IL22: variants seen among roughly 807,000 people sequenced by gnomAD.
The protein encoded by IL22 is interleukin 22.
In IL22, 15 loss-of-function variants were observed where a neutral mutation model predicts 15.5. The ratio of observed to expected loss-of-function variants is 0.97; its 90% CI spans 0.65 to 1.49. The LOEUF is 1.49. IL22 is among the 40% of genes most tolerant of loss of function. The pLI, the probability that IL22 is intolerant of heterozygous loss-of-function variation, is 0.00. For synonymous variants in IL22, 91 were observed against 82.0 expected, an observed-to-expected ratio of 1.11 and a Z score of -0.60; for missense variants, 225 against 215.4, an observed-to-expected ratio of 1.04 and a Z score of -0.28.
chr12:68,250,614 G>A (rs1054545594), intron 5 of IL22, among the ~76,000 whole-genome samples: 1 of 152,126 alleles, frequency 6.6e-6, no homozygotes, highest in African/African-American at 2.4e-5. Flanking sequence ...CATTCCTCCG[G>A]TTTTGGGGTG....
rs1186018974 is a variant in IL22 at position 68,253,344 on chromosome 12, G to A, written c.105C>T (p.Pro35=). 6.2e-7 allele frequency: 1 copy of A among 1,613,724 alleles called. No individual in the cohort carries two copies. Among genetic ancestry groups the A allele is most frequent in the African/African-American group, 1.3e-5 (1 of 74,888 alleles). The change falls in exon 2 of 6, where the codon CCC becomes CCT. Residue 35 remains proline, a synonymous_variant. Coordinates refer to ENST00000538666, the MANE Select transcript of IL22 (RefSeq NM_020525.5). ...TGTCAAGCCTGCAGTGGGAGCTGAT[G>A]GGCGCAGCTGCTCCTCCCTGTACCA... ...ALLVQGGAAA[P]ISSHCRLDKS...
chr12:68,250,511 C>G (rs1402488886), intron 5 of IL22, among the ~76,000 whole-genome samples: 1 of 152,194 alleles, frequency 6.6e-6, no homozygotes, highest in Non-Finnish European at 1.5e-5. Flanking sequence ...TAAGGTTAAG[C>G]TTGTTACTGA....
intron 5 of IL22, among the ~76,000 whole-genome samples, chr12:68,250,712 C>G (rs1300879761): frequency 6.6e-6 from 1 of 152,052 alleles, no homozygotes; most frequent in East Asian, 1.9e-4. Context: ...GAAATGTACA[C>G]CAGCCCACCA....
intron 5 of IL22, among the ~76,000 whole-genome samples, chr12:68,249,616 C>T (rs1869858945): frequency 6.6e-6 from 1 of 152,162 alleles, no homozygotes; most frequent in Admixed American, 6.5e-5. Context: ...TAAGTCTTTT[C>T]CACTTGCTTT....
chr12:68,248,636 GT>G lies in IL22; in HGVS notation c.*162del. 1.7e-6 allele frequency: 1 copy of G among 600,958 alleles called. No homozygotes were observed. Among genetic ancestry groups the G allele is most frequent in the Non-Finnish European group, 2.9e-6 (1 of 339,262 alleles). 37.2% of individuals were successfully genotyped at this position (600,958 alleles called of 1,614,324 possible). ...GGTCTTATAAACAAAAGTGGCATTG[GT>G]TTCCTTTGTAACTAACGCAGGGGTT... On this transcript the variant is annotated 3_prime_UTR_variant, in exon 6 of 6. Transcript: ENST00000538666.
In IL22 at chr12:68,252,491, G is replaced by C. The variant is rs1869967059; in HGVS notation, c.396+13C>G. ...GGAGGGGTAGGTGGGCATAGGCTGAGAGCTGAACTTACACATGTGCTTAGC... is the reference window on the plus strand; with the variant it reads ...GGAGGGGTAGGTGGGCATAGGCTGACAGCTGAACTTACACATGTGCTTAGC... On this transcript the variant is annotated intron_variant, in intron 4 of 5. Coordinates refer to ENST00000538666, the MANE Select transcript of IL22 (RefSeq NM_020525.5). The C allele has an allele frequency of 6.2e-7, 1 of 1,613,368 alleles. No individual in the cohort carries two copies. Among genetic ancestry groups the C allele is most frequent in the Non-Finnish European group, 8.5e-7 (1 of 1,179,858 alleles).
chr12:68,251,687 A>C, intron 4 of IL22, 109 bp from the exon 5 acceptor site: 6 of 833,908 alleles, frequency 7.2e-6, no homozygotes, highest in Non-Finnish European at 1.2e-5. Context: ...GCTCTTAGTA[A>C]TTTTGCCCAC....
chr12:68,252,446 G>T, intron 4 of IL22, 58 bp downstream of exon 4: 2 of 1,576,142 alleles, frequency 1.3e-6, no homozygotes, highest in Admixed American at 1.7e-5. Context: ...GGGTAAGGGG[G>T]TCTCTGTGGA....
intron 2 of IL22, 87 bp downstream of exon 2, chr12:68,253,176 G>T (rs527496206): frequency 5.2e-6 from 6 of 1,161,568 alleles, no homozygotes; most frequent in Admixed American, 2.6e-5. Context: ...GGTTCCTAAA[G>T]CTCTTAGAGA....
chr12:68,252,785 C>T lies in IL22; in HGVS notation c.231G>A (p.Glu77=). 1.9e-6 allele frequency: 3 copies of T among 1,613,948 alleles called. No individual in the cohort carries two copies. Among genetic ancestry groups the T allele is most frequent in the South Asian group, 2.2e-5 (2 of 91,066 alleles). ...TTACACTGACTCCGTGGAACAGTTT[C>T]TCCCCAATGAGACGAACGTCTGTGT... ...DNNTDVRLIG[E]KLFHGVSMSE... Residue 77 remains glutamate (E), a synonymous_variant, in exon 3 of 6, where the codon GAG becomes GAA. Coordinates refer to ENST00000538666, the MANE Select transcript of IL22 (RefSeq NM_020525.5).
chr12:68,250,838 T>G (rs1012356), intron 5 of IL22, among the ~76,000 whole-genome samples: 1 of 151,966 alleles, frequency 6.6e-6, no homozygotes, highest in African/African-American at 2.4e-5. Flanking sequence ...CCATTTAACT[T>G]TAATAAATCT....
Position 68,248,601 on chromosome 12 carries a change from T to A in IL22, c.*198A>T, listed in dbSNP as rs1375215482. 1.9e-6 allele frequency: 1 copy of A among 519,738 alleles called. No individual in the cohort carries two copies. Among genetic ancestry groups the A allele is most frequent in the East Asian group, 3.0e-5 (1 of 33,124 alleles). The allele number at this position is 519,738 out of a possible 1,614,324, so 32.2% of individuals were successfully genotyped here. On this transcript the variant is annotated 3_prime_UTR_variant, in exon 6 of 6. Transcript: ENST00000538666. ...TCAATAAATATCTATGCTTAGAAAGTCTACCTTCTGGTCTTATAAACAAAA... is the reference window on the plus strand; with the variant it reads ...TCAATAAATATCTATGCTTAGAAAGACTACCTTCTGGTCTTATAAACAAAA...
At position 68,252,587 on chromosome 12, in the gene IL22, A is replaced by T; in HGVS notation, c.313T>A (p.Phe105Ile). The T allele has an allele frequency of 6.2e-7, 1 of 1,613,998 alleles. No individual in the cohort carries two copies. Among genetic ancestry groups the T allele is most frequent in the Non-Finnish European group, 8.5e-7 (1 of 1,179,864 alleles). Residue 105 changes from phenylalanine to isoleucine, a missense_variant, in exon 4 of 6, where the codon TTC (phenylalanine) becomes ATC (isoleucine). By Grantham distance (21) the Phe-to-Ile change is conservative. Transcript: ENST00000538666. ...VLNFTLEEVL[F>I]PQSDRFQPYM... ...GGCTGGAACCTATCAGATTGAGGGA[A>T]CAGCACTTCTTCAAGGGTGAAGTTC...
At chr12:68,252,691 C>G in intron 3 of IL22, 44 bp from the exon 4 acceptor site, 1 of 1,613,474 alleles carries the variant, frequency 6.2e-7, no homozygotes, top group South Asian at 1.1e-5. Context: ...GGGATAAGAC[C>G]TAAACCATCA....
chr12:68,251,556 T>C lies in IL22; in HGVS notation c.419A>G (p.His140Arg). 1 of 1,612,892 alleles carries C rather than the reference T, an allele frequency of 6.2e-7. No individual in the cohort carries two copies. The highest frequency in any genetic ancestry group is 8.5e-7 in the Non-Finnish European group (1 of 1,178,898). Reference protein sequence around the residue: ...STCHIEGDDLHIQRNVQKLKD... With the variant: ...STCHIEGDDLRIQRNVQKLKD... ...CAGCTTTTGCACATTCCTCTGGATA[T>C]GCAGGTCATCACCTTCAATATGCTA... The change falls in exon 5 of 6, where the codon CAT (histidine) becomes CGT (arginine). Residue 140 changes from histidine (H) to arginine (R), a missense_variant. Physicochemically the swap from His to Arg is conservative, Grantham distance 29. Transcript: ENST00000538666.
chr12:68,250,760 AG>A (rs1869900935), intron 5 of IL22, among the ~76,000 whole-genome samples: 1 of 152,178 alleles, frequency 6.6e-6, no homozygotes, highest in Admixed American at 6.5e-5. Context: ...GAGGGAGTGA[AG>A]GAAGAAACTA....
At position 68,253,275 on chromosome 12, in the gene IL22, C is replaced by T. The variant is rs1870004602; in HGVS notation, c.174G>A (p.Met58Ile). 2 of 1,613,050 alleles carry T rather than the reference C, an allele frequency of 1.2e-6. No homozygotes were observed. Among genetic ancestry groups the T allele is most frequent in the Non-Finnish European group, 1.7e-6 (2 of 1,179,436 alleles). The change falls in exon 2 of 6, where the codon ATG (methionine) becomes ATA (isoleucine). Residue 58 changes from methionine (M) to isoleucine (I), a missense_variant. Met to Ile is a conservative substitution (Grantham distance 10). Transcript: ENST00000538666. ...QQPYITNRTF[M>I]LAKEASLADN... ...TTGAGATGTATACCTCCTTAGCCAG[C>T]ATGAAGGTGCGGTTGGTGATATAGG...
At chr12:68,249,185 G>A (rs1327925919) in intron 5 of IL22, among the ~76,000 whole-genome samples, 2 of 152,138 alleles carry the variant, frequency 1.3e-5, no homozygotes, top group Non-Finnish European at 2.9e-5. Flanking sequence ...AAGTGAGGCT[G>A]GGATCTGGGG....
chr12:68,252,435 G>T, intron 4 of IL22, 69 bp downstream of exon 4: 1 of 1,509,142 alleles, frequency 6.6e-7, no homozygotes, highest in Non-Finnish European at 9.2e-7. Context: ...AGAGAGAGTT[G>T]GGGTAAGGGG....
Sources: allele counts gnomAD v4.1 joint callset (sites outside exome capture counted in the v4.1 genomes callset), GRCh38; gene constraint gnomAD v4.1.1; transcripts MANE v1.5; gene names NCBI Gene and HGNC (gene_info 2026-07-23, HGNC 2026-07-21).